The following TEX9 variants were observed in gnomAD, a reference collection of about 807,000 sequenced individuals.
TEX9 encodes testis-expressed protein 9.
In TEX9, 74 loss-of-function variants were observed where a neutral mutation model predicts 59.6. The observed-to-expected ratio is 1.24, with a 90% confidence interval of 1.03 to 1.51. TEX9 has a LOEUF of 1.51. Ranked by LOEUF, TEX9 falls within the 40% of genes most tolerant of loss-of-function variation. The pLI, the probability that TEX9 is intolerant of heterozygous loss-of-function variation, is 0.00. For synonymous variants in TEX9, 186 were observed against 152.2 expected, an observed-to-expected ratio of 1.22 and a Z score of -1.64; for missense variants, 522 against 447.8, an observed-to-expected ratio of 1.17 and a Z score of -1.49.
At chr15:56,297,790 C>T (rs1245621037) in intron 1 of TEX9, among the ~76,000 whole-genome samples, 2 of 152,240 alleles carry the variant, frequency 1.3e-5, no homozygotes, top group Admixed American at 6.5e-5. Context: ...CAGGCGTGAG[C>T]CACCGTGCCT....
At chr15:56,418,033 A>C (rs577468306) in intron 10 of TEX9, among the ~76,000 whole-genome samples, 1 of 151,818 alleles carries the variant, frequency 6.6e-6, no homozygotes, top group Middle Eastern at 3.4e-3. Flanking sequence ...TTCCTGGTAG[A>C]TTTTCCTCTA....
At chr15:56,269,386 C>G (rs577787548) in intron 1 of TEX9, among the ~76,000 whole-genome samples, 2 of 152,120 alleles carry the variant, frequency 1.3e-5, no homozygotes, top group South Asian at 2.1e-4. Flanking sequence ...TTTGCTCTTG[C>G]TTCTCTAGTT....
intron 12 of TEX9, among the ~76,000 whole-genome samples, chr15:56,438,150 A>G (rs1424416428): frequency 6.6e-6 from 1 of 152,210 alleles, no homozygotes; most frequent in Admixed American, 6.5e-5. Context: ...AAGGGGCCAC[A>G]TTGCCAAGAC....
intron 12 of TEX9, chr15:56,434,118 A>T: frequency 6.2e-7 from 1 of 1,601,240 alleles, no homozygotes; most frequent in South Asian, 1.1e-5. Flanking sequence ...GACCAAAAAA[A>T]CCCCACAACT....
At chr15:56,318,224 A>C (rs1484589578) in intron 1 of TEX9, among the ~76,000 whole-genome samples, 1 of 152,026 alleles carries the variant, frequency 6.6e-6, no homozygotes, top group East Asian at 1.9e-4. Context: ...TTATGTTCCT[A>C]ATGCGTTGAT....
At chr15:56,295,644 A>G (rs1244820477) in intron 1 of TEX9, among the ~76,000 whole-genome samples, 2 of 152,200 alleles carry the variant, frequency 1.3e-5, no homozygotes, top group Non-Finnish European at 2.9e-5. Flanking sequence ...GCGATATTTT[A>G]TCAGATTCAA....
At chr15:56,248,286 G>C (rs1331841820) in intron 1 of TEX9, among the ~76,000 whole-genome samples, 1 of 152,228 alleles carries the variant, frequency 6.6e-6, no homozygotes, top group Non-Finnish European at 1.5e-5. Context: ...GCTAATGTAA[G>C]TATGCTGTGA....
intron 1 of TEX9, among the ~76,000 whole-genome samples, chr15:56,309,696 T>TA (rs1567080492): frequency 4.9e-4 from 13 of 26,588 alleles, no homozygotes; most frequent in Non-Finnish European, 9.4e-4. Flanking sequence ...ATGGGAAGTT[T>TA]TTTTTTTTTT....
intron 1 of TEX9, among the ~76,000 whole-genome samples, chr15:56,332,740 G>C (rs971471270): frequency 2.0e-5 from 3 of 151,724 alleles, no homozygotes; most frequent in Non-Finnish European, 4.4e-5. Context: ...ACAAAAAATT[G>C]GTTTTTGAAA....
chr15:56,387,474 T>G (rs1469970812), intron 4 of TEX9, among the ~76,000 whole-genome samples: 2 of 151,918 alleles, frequency 1.3e-5, no homozygotes, highest in Non-Finnish European at 2.9e-5. Context: ...TTTCTAATAG[T>G]TAAGAGGTTT....
chr15:56,277,811 T>G (rs572082331), intron 1 of TEX9, among the ~76,000 whole-genome samples: 31 of 152,362 alleles, frequency 2.0e-4, no homozygotes, highest in African/African-American at 7.2e-4. Context: ...CCAGATTAGA[T>G]TTCAACAAGG....
intron 12 of TEX9, chr15:56,443,721 C>T (rs765411317): frequency 6.2e-7 from 1 of 1,613,118 alleles, no homozygotes; most frequent in South Asian, 1.1e-5. Context: ...TGCATGTTAG[C>T]AAACTCTATG....
At chr15:56,264,752 C>T (rs2682059) in intron 1 of TEX9, among the ~76,000 whole-genome samples, 71,198 of 151,974 alleles carry the variant, frequency 0.47, 17,203 homozygotes, top group East Asian at 0.81. Flanking sequence ...TTATATTTGT[C>T]ATCCATTTTG....
exon 13 of TEX9, chr15:56,445,785 C>T (rs1358066048): frequency 2.0e-5 from 3 of 151,728 alleles, no homozygotes; most frequent in Non-Finnish European, 2.9e-5. Flanking sequence ...TGGAAAATAG[C>T]AGCAATTCTC....
At chr15:56,247,441 G>T (rs1448908572) in intron 1 of TEX9, among the ~76,000 whole-genome samples, 1 of 152,144 alleles carries the variant, frequency 6.6e-6, no homozygotes, top group Non-Finnish European at 1.5e-5. Context: ...TTTTAATTGG[G>T]TCTTGTTGGA....
chr15:56,389,339 C>G lies in TEX9; in HGVS notation c.334C>G (p.Pro112Ala), dbSNP rs1190543210. 4 of 1,610,854 alleles carry G rather than the reference C, an allele frequency of 2.5e-6. No homozygotes were observed. In the South Asian group the frequency reaches 3.3e-5, roughly 13 times the overall value. The change falls in exon 6 of 13, where the codon CCT (proline) becomes GCT (alanine). Residue 112 changes from proline (P) to alanine (A), a missense_variant. Pro to Ala is a conservative substitution (Grantham distance 27). Transcript: ENST00000352903. ...GTAGCCAAAGACCAAAAACATTGAT[C>G]CTGTAAACAAGGTTCAAAACAAATT...
intron 1 of TEX9, among the ~76,000 whole-genome samples, chr15:56,317,557 T>A (rs1000329701): frequency 2.6e-5 from 4 of 152,200 alleles, no homozygotes; most frequent in Middle Eastern, 3.2e-3. Flanking sequence ...TATTATTTTC[T>A]TCCTTCTACT....
intron 1 of TEX9, among the ~76,000 whole-genome samples, chr15:56,246,275 C>CA (rs1265397963): frequency 2.0e-5 from 3 of 152,120 alleles, no homozygotes; most frequent in Non-Finnish European, 1.5e-5. Context: ...TCCGGCCTTC[C>CA]AGGACCTACA....
chr15:56,384,566 A>G (rs1255113154), intron 4 of TEX9, among the ~76,000 whole-genome samples: 1 of 152,196 alleles, frequency 6.6e-6, no homozygotes, highest in African/African-American at 2.4e-5. Flanking sequence ...GAATGGGTTA[A>G]GCCACTGGAA....
Sources: gnomAD v4.1 joint callset for allele counts (sites outside exome capture counted in the v4.1 genomes callset) on GRCh38, gnomAD v4.1.1 for gene constraint, MANE v1.5 for transcripts, NCBI Gene and HGNC (gene_info 2026-07-23, HGNC 2026-07-21) for gene names.